The following KIAA0232 variants were observed in gnomAD, a reference collection of about 807,000 sequenced individuals.
KIAA0232 encodes the protein KIAA0232, also known as uncharacterized protein KIAA0232.
Under a neutral mutation model 122.0 loss-of-function variants are expected in KIAA0232, and 27 were observed. That is an observed-to-expected ratio of 0.22 (90% CI 0.16 to 0.31). KIAA0232 has a LOEUF of 0.31. Among genes scored for constraint, KIAA0232 ranks in the 10% least tolerant of loss-of-function variants. The pLI is 1.00. For synonymous variants in KIAA0232, 613 were observed against 587.6 expected (o/e 1.04, Z -0.63); for missense variants, 1,551 against 1,634.2 (o/e 0.95, Z 0.88).
chr4:6,857,289 T>C (rs1190232173), intron 5 of KIAA0232, 59 bp downstream of exon 5: 8 of 1,434,756 alleles, frequency 5.6e-6, no homozygotes, highest in African/African-American at 1.4e-5. Flanking sequence ...GGAATCTGGA[T>C]TGGGGAAAAT....
At chr4:6,864,222 A>G (rs1560205336) in intron 7 of KIAA0232, 39 bp downstream of exon 7, 1 of 1,556,276 alleles carries the variant, frequency 6.4e-7, no homozygotes, top group Non-Finnish European at 8.7e-7. Flanking sequence ...AAAGGATTTG[A>G]TCAGAGTTTA....
rs1455952921 is a variant in KIAA0232 at position 6,882,943 on chromosome 4, A to G, written c.*1977A>G. On this transcript the variant is annotated 3_prime_UTR_variant, in exon 10 of 10. Transcript: ENST00000307659. The stretch of plus-strand genomic sequence containing the variant: ...TTTGGACAGCTGCTGTTTATTAGGA[A>G]AGGGCTCCAGGTGGCAAAGGTGCAC... The G allele has an allele frequency of 6.6e-6, 1 of 152,464 alleles. No homozygotes were observed. Among genetic ancestry groups the G allele is most frequent in the Middle Eastern group, 3.2e-3 (1 of 316 alleles). 9.4% of individuals were successfully genotyped at this position (152,464 alleles called of 1,614,324 possible). A position where few individuals can be genotyped will look rare whatever the true frequency, so the allele number is the denominator to read the frequency against.
chr4:6,856,648 T>G (rs1720585022), intron 4 of KIAA0232, among the ~76,000 whole-genome samples: 1 of 151,280 alleles, frequency 6.6e-6, no homozygotes, highest in African/African-American at 2.4e-5. Context: ...GGACTTCTGT[T>G]GTTTTAATCA....
At position 6,862,357 on chromosome 4, in the gene KIAA0232, G is replaced by C; in HGVS notation, c.1975G>C (p.Val659Leu). The stretch of plus-strand genomic sequence containing the variant: ...GTTTGAAGTGCAATGCAGTAATTCT[G>C]TTTTACCATTTTCTTTTGAAACACT... Reference protein sequence around the residue: ...SVFEVQCSNSVLPFSFETLNL... With the variant: ...SVFEVQCSNSLLPFSFETLNL... The change falls in exon 7 of 10, where the codon GTT becomes CTT. Residue 659 changes from valine (V) to leucine (L), a missense_variant. This residue lies in a region of KIAA0232 where 1,108 missense variants were observed against 1,154.8 expected (regional missense o/e 0.96). Transcript: ENST00000307659. 2 of 1,614,096 alleles carry C rather than the reference G, an allele frequency of 1.2e-6. No individual in the cohort carries two copies. Among genetic ancestry groups the C allele is most frequent in the Non-Finnish European group, 1.7e-6 (2 of 1,180,022 alleles).
At chr4:6,842,627 C>A (rs1249262334) in intron 4 of KIAA0232, among the ~76,000 whole-genome samples, 1 of 151,088 alleles carries the variant, frequency 6.6e-6, no homozygotes, top group Non-Finnish European at 1.5e-5. Context: ...ACTCTGTCGC[C>A]CAGGCTGGAG....
Position 6,871,648 on chromosome 4 carries a change from G to A in KIAA0232, c.3876G>A (p.Leu1292=), listed in dbSNP as rs1275834811. 1 of 1,611,540 alleles carries A rather than the reference G, an allele frequency of 6.2e-7. No homozygotes were observed. Among genetic ancestry groups the A allele is most frequent in the East Asian group, 2.2e-5 (1 of 44,866 alleles). Residue 1292 remains leucine (L), a synonymous_variant, in exon 8 of 10, where the codon TTG becomes TTA. Coordinates refer to ENST00000307659, the MANE Select transcript of KIAA0232 (RefSeq NM_014743.3). ...QEKQTWWEKA[L]YSPLFPASEC... is the part of the protein sequence containing the mutation. Reference sequence around the variant, plus strand: ...AACAGACCTGGTGGGAAAAAGCCTTGTACTCTCCTCTTTTTCCTGCATCAG... The same window carrying A: ...AACAGACCTGGTGGGAAAAAGCCTTATACTCTCCTCTTTTTCCTGCATCAG...
At chr4:6,825,565 G>C (rs1204749886) in intron 3 of KIAA0232, among the ~76,000 whole-genome samples, 1 of 150,932 alleles carries the variant, frequency 6.6e-6, no homozygotes, top group Non-Finnish European at 1.5e-5. Context: ...TCTCTCGCAC[G>C]CATACACGAG....
At position 6,861,878 on chromosome 4, in the gene KIAA0232, A is replaced by T. The variant is rs1196721394; in HGVS notation, c.1496A>T (p.Asp499Val). 6.2e-7 allele frequency: 1 copy of T among 1,614,134 alleles called. No individual in the cohort carries two copies. The highest frequency in any genetic ancestry group is 1.7e-5 in the Admixed American group (1 of 60,018). The change falls in exon 7 of 10, where the codon GAT (aspartate) becomes GTT (valine). Residue 499 changes from aspartate (D) to valine (V), a missense_variant. Physicochemically the swap from Asp to Val is radical, Grantham distance 152. This residue lies in a region of KIAA0232 where 1,108 missense variants were observed against 1,154.8 expected (regional missense o/e 0.96). Transcript: ENST00000307659. The stretch of plus-strand genomic sequence containing the variant: ...CTACCAGAGGACAATAAATACCTGG[A>T]TGATATTCATCTATCAGAATTAACG... ...CSLPEDNKYL[D>V]DIHLSELTHF...
At chr4:6,784,618 T>C (rs1230182941) in intron 1 of KIAA0232, among the ~76,000 whole-genome samples, 1 of 152,220 alleles carries the variant, frequency 6.6e-6, no homozygotes, top group Non-Finnish European at 1.5e-5. Flanking sequence ...TCACTTAATA[T>C]ATCTTATAAC....
intron 4 of KIAA0232, 52 bp from the exon 5 acceptor site, chr4:6,857,112 T>C: frequency 7.4e-7 from 1 of 1,345,100 alleles, no homozygotes; most frequent in East Asian, 2.5e-5. Flanking sequence ...TACAAATACC[T>C]GATTTGTACA....
intron 8 of KIAA0232, among the ~76,000 whole-genome samples, chr4:6,875,497 G>A (rs948610218): frequency 6.6e-6 from 1 of 152,196 alleles, no homozygotes; most frequent in Non-Finnish European, 1.5e-5. Flanking sequence ...CTTCCATGTG[G>A]CCAGTGCAGC....
chr4:6,790,345 A>T lies in KIAA0232; in HGVS notation c.-354+7504A>T, dbSNP rs551051389. Among the ~76,000 whole-genome samples the T allele has an allele frequency of 3.3e-5, 5 of 150,724 alleles. No homozygotes were observed. The South Asian group carries it at 1.1e-3, about 32-fold the overall frequency. ...TCACCCAGTTTGGAGATTTTTTTCA[A>T]GCCCTTCCTTTTTTTATTTAATTTT... On this transcript the variant is annotated intron_variant, in intron 1 of 9. Coordinates refer to ENST00000307659, the MANE Select transcript of KIAA0232 (RefSeq NM_014743.3).
intron 1 of KIAA0232, among the ~76,000 whole-genome samples, chr4:6,786,652 A>T (rs1193895156): frequency 6.6e-6 from 1 of 152,248 alleles, no homozygotes; most frequent in Non-Finnish European, 1.5e-5. Flanking sequence ...CAACAACATT[A>T]GAAATGTAGT....
At chr4:6,839,191 A>C (rs1005986779) in intron 3 of KIAA0232, among the ~76,000 whole-genome samples, 1 of 152,224 alleles carries the variant, frequency 6.6e-6, no homozygotes, top group African/African-American at 2.4e-5. Context: ...TTGATTAATA[A>C]GATTAATTTT....
Position 6,862,562 on chromosome 4 carries a change from T to C in KIAA0232, c.2180T>C (p.Leu727Ser). 3 of 1,613,604 alleles carry C rather than the reference T, an allele frequency of 1.9e-6. No homozygotes were observed. Among genetic ancestry groups the C allele is most frequent in the Non-Finnish European group, 2.5e-6 (3 of 1,179,796 alleles). The change falls in exon 7 of 10, where the codon TTA becomes TCA. Residue 727 changes from leucine to serine, a missense_variant. By Grantham distance (145) the Leu-to-Ser change is moderately radical. This residue lies in a region of KIAA0232 where 1,108 missense variants were observed against 1,154.8 expected (regional missense o/e 0.96). Coordinates refer to ENST00000307659, the MANE Select transcript of KIAA0232 (RefSeq NM_014743.3). The stretch of plus-strand genomic sequence containing the variant: ...GAAACACGTTCAGACAATGAAACAT[T>C]AAATATTCAGTTTGAAGAATCCACA... Reference protein sequence around the residue: ...SEETRSDNETLNIQFEESTQF... With the variant: ...SEETRSDNETSNIQFEESTQF...
rs1718569138 is a variant in KIAA0232, at chr4:6,824,377, A to G, written c.-77A>G. On this transcript the variant is annotated 5_prime_UTR_variant, in exon 3 of 10. Coordinates refer to ENST00000307659, the MANE Select transcript of KIAA0232 (RefSeq NM_014743.3). ...GCATCTCTACTTTTTACTGGAGTGA[A>G]AATCCCCTCCAGATACCAACAGAAT... is the stretch of plus-strand genomic sequence containing the variant. 33 of 1,216,854 alleles carry G rather than the reference A, an allele frequency of 2.7e-5. No individual in the cohort carries two copies. The highest frequency in any genetic ancestry group is 4.0e-5 in the Non-Finnish European group (33 of 819,838). The allele number at this position is 1,216,854 out of a possible 1,614,324, so 75.4% of individuals were successfully genotyped here. A position where few individuals can be genotyped will look rare whatever the true frequency, so the allele number is the denominator to read the frequency against.
chr4:6,873,382 T>C (rs998155981), intron 8 of KIAA0232, among the ~76,000 whole-genome samples: 6 of 152,200 alleles, frequency 3.9e-5, no homozygotes, highest in Non-Finnish European at 7.3e-5. Flanking sequence ...TTCATGTGTG[T>C]CCAGTCTGGT....
intron 1 of KIAA0232, among the ~76,000 whole-genome samples, chr4:6,786,504 C>G (rs182396202): frequency 5.9e-5 from 9 of 152,196 alleles, no homozygotes; most frequent in Middle Eastern, 3.4e-3. Context: ...AAACGGGTCT[C>G]CCTGTGTTGC....
intron 1 of KIAA0232, among the ~76,000 whole-genome samples, chr4:6,795,495 T>C (rs1717093218): frequency 6.6e-6 from 1 of 152,252 alleles, no homozygotes; most frequent in African/African-American, 2.4e-5. Context: ...AATTTTTACC[T>C]TCATTATATT....
Sources: allele counts gnomAD v4.1 joint callset (sites outside exome capture counted in the v4.1 genomes callset), GRCh38; gene constraint gnomAD v4.1.1; regional missense constraint gnomAD v4.1.1; transcripts MANE v1.5; gene names NCBI Gene and HGNC (gene_info 2026-07-23, HGNC 2026-07-21).